Variants in TRIQK observed in about 807,000 individuals in gnomAD.
The protein encoded by TRIQK is triple QxxK/R motif-containing protein.
In TRIQK, 10 loss-of-function variants were observed where a neutral mutation model predicts 10.8. That is an observed-to-expected ratio of 0.92 (90% confidence interval 0.57 to 1.57). TRIQK has a LOEUF of 1.57. Ranked by LOEUF, TRIQK falls within the 40% of genes most tolerant of loss-of-function variation. The probability of loss-of-function intolerance (pLI) is 0.00; values close to 1 mark genes in which losing one functional copy is unlikely to be tolerated. For missense variants in TRIQK, 107 were observed against 97.7 expected (o/e 1.09, Z -0.40); for synonymous variants, 33 against 33.7 (o/e 0.98, Z 0.07).
At chr8:92,966,240 C>T (rs1230209760), upstream of TRIQK, 1 of 152,292 alleles carries the variant, frequency 6.6e-6, no homozygotes, top group Non-Finnish European at 1.5e-5. Flanking sequence ...GACGCAAAGG[C>T]GCTGGCCCTG....
intron 1 of TRIQK, among the ~76,000 whole-genome samples, chr8:92,961,831 A>G (rs1178984623): frequency 6.6e-6 from 1 of 152,220 alleles, no homozygotes; most frequent in Non-Finnish European, 1.5e-5. Context: ...AAATAATACT[A>G]CTACAGAAGA....
chr8:92,915,136 T>C (rs1809759616), intron 3 of TRIQK, among the ~76,000 whole-genome samples: 1 of 152,170 alleles, frequency 6.6e-6, no homozygotes, highest in African/African-American at 2.4e-5. Context: ...ATCTCTCTTA[T>C]CTTTTCAATC....
intron 3 of TRIQK, among the ~76,000 whole-genome samples, chr8:92,895,979 C>G (rs956221493): frequency 6.6e-6 from 1 of 152,090 alleles, no homozygotes; most frequent in African/African-American, 2.4e-5. Flanking sequence ...CAACCCTTTG[C>G]TAAAGAGATT....
intron 1 of TRIQK, among the ~76,000 whole-genome samples, chr8:92,971,681 A>T (rs537927685): frequency 6.6e-6 from 1 of 152,210 alleles, no homozygotes; most frequent in Non-Finnish European, 1.5e-5. Context: ...CTCCATGCTC[A>T]TGAATAGGAA....
At chr8:92,945,731 C>A (rs1289707098) in intron 2 of TRIQK, among the ~76,000 whole-genome samples, 4 of 152,042 alleles carry the variant, frequency 2.6e-5, no homozygotes, top group African/African-American at 7.2e-5. Flanking sequence ...GATATTCATT[C>A]TAGTTTTAGC....
At chr8:92,891,157 C>A (rs79883018) in intron 4 of TRIQK, among the ~76,000 whole-genome samples, 2,193 of 151,970 alleles carry the variant, frequency 0.014, 50 homozygotes, top group African/African-American at 0.05. Context: ...AATATATCAT[C>A]TGGCAGTTCA....
At chr8:92,926,520 T>C (rs999052803) in intron 2 of TRIQK, 1 of 152,116 alleles carries the variant, frequency 6.6e-6, no homozygotes, top group African/African-American at 2.4e-5. Flanking sequence ...GGCTTGTTTC[T>C]GATTAAAGAT....
chr8:93,013,584 A>G (rs2130764805), intron 1 of TRIQK, among the ~76,000 whole-genome samples: 1 of 152,314 alleles, frequency 6.6e-6, no homozygotes, highest in African/African-American at 2.4e-5. Flanking sequence ...TTTTATTTTC[A>G]AATAGTGTGG....
rs1364917808 is a variant in TRIQK, at chr8:92,886,569, C to A, written c.*53G>T. 6 of 1,180,562 alleles carry A rather than the reference C, an allele frequency of 5.1e-6. No individual in the cohort carries two copies. Among genetic ancestry groups the A allele is most frequent in the African/African-American group, 4.7e-5 (3 of 63,376 alleles). 73.1% of individuals were successfully genotyped at this position (1,180,562 alleles called of 1,614,324 possible). A position where few individuals can be genotyped will look rare whatever the true frequency, so the allele number is the denominator to read the frequency against. ...GTTTCAGTATTGAAAGTTTTGGTCC[C>A]AAAAGGTGCTTTCGTAAAGTTATTT... On this transcript the variant is annotated 3_prime_UTR_variant, in exon 5 of 5. Coordinates refer to ENST00000521988, the MANE Select transcript of TRIQK (RefSeq NM_001171797.2).
chr8:92,941,869 T>C (rs561670873), intron 2 of TRIQK, among the ~76,000 whole-genome samples: 18 of 152,104 alleles, frequency 1.2e-4, no homozygotes, highest in Non-Finnish European at 1.9e-4. Context: ...CCTACCAAGA[T>C]TGAATCATGA....
intron 2 of TRIQK, among the ~76,000 whole-genome samples, chr8:92,944,828 T>C (rs1811439689): frequency 6.6e-6 from 1 of 152,144 alleles, no homozygotes; most frequent in Non-Finnish European, 1.5e-5. Context: ...TATGGTATTG[T>C]ATATTTTAAA....
intron 1 of TRIQK, among the ~76,000 whole-genome samples, chr8:93,004,386 G>A (rs960757648): frequency 6.6e-6 from 1 of 152,164 alleles, no homozygotes; most frequent in African/African-American, 2.4e-5. Flanking sequence ...GGACACATCA[G>A]AGCACAGCCT....
intron 1 of TRIQK, among the ~76,000 whole-genome samples, chr8:93,003,098 T>C (rs992269041): frequency 6.6e-6 from 1 of 151,518 alleles, no homozygotes; most frequent in African/African-American, 2.4e-5. Context: ...GCAAACTGAG[T>C]TTCTTAACAT....
At chr8:92,978,017 C>G (rs1812950644) in intron 1 of TRIQK, among the ~76,000 whole-genome samples, 1 of 152,104 alleles carries the variant, frequency 6.6e-6, no homozygotes, top group Non-Finnish European at 1.5e-5. Context: ...TCTGCTTTTT[C>G]CAGGTGATTC....
Position 92,883,651 on chromosome 8 carries a change from A to G in TRIQK, c.*2971T>C, listed in dbSNP as rs186480633. The stretch of plus-strand genomic sequence containing the variant: ...GGCATCAACTTAAATTTTAACATGC[A>G]TTTATTAAATTTATATGCAGATGAC... On this transcript the variant is annotated 3_prime_UTR_variant, in exon 5 of 5. Coordinates refer to ENST00000521988, the MANE Select transcript of TRIQK (RefSeq NM_001171797.2). 115 of 151,886 alleles carry G rather than the reference A, an allele frequency of 7.6e-4. No homozygotes were observed. Among genetic ancestry groups the G allele is most frequent in the African/African-American group, 2.7e-3 (112 of 41,494 alleles). 9.4% of individuals were successfully genotyped at this position (151,886 alleles called of 1,614,324 possible).
At chr8:92,992,752 T>G (rs1350748724) in intron 1 of TRIQK, among the ~76,000 whole-genome samples, 1 of 152,142 alleles carries the variant, frequency 6.6e-6, no homozygotes, top group Non-Finnish European at 1.5e-5. Context: ...GAGTGGGGTC[T>G]GCTGAAAGCT....
upstream of TRIQK, among the ~76,000 whole-genome samples, chr8:92,966,997 A>AAAAG (rs1391115506): frequency 1.3e-5 from 2 of 150,836 alleles, no homozygotes; most frequent in Admixed American, 6.6e-5. Context: ...AAAAAAAAAA[A>AAAAG]AAAAACTGAG....
intron 1 of TRIQK, among the ~76,000 whole-genome samples, chr8:93,008,707 T>C (rs1223632453): frequency 2.0e-5 from 3 of 152,322 alleles, no homozygotes; most frequent in South Asian, 2.1e-4. Flanking sequence ...CGATTTTCCA[T>C]AGAGATGTCA....
intron 3 of TRIQK, among the ~76,000 whole-genome samples, chr8:92,892,317 T>G (rs1816808969): frequency 6.6e-6 from 1 of 151,894 alleles, no homozygotes; most frequent in Non-Finnish European, 1.5e-5. Context: ...TCAAAAAAGA[T>G]AAAAACTTGT....
Sources: allele counts gnomAD v4.1 joint callset (sites outside exome capture counted in the v4.1 genomes callset), GRCh38; gene constraint gnomAD v4.1.1; transcripts MANE v1.5; gene names NCBI Gene and HGNC (gene_info 2026-07-23, HGNC 2026-07-21).